CNTNAP2: variants seen among roughly 807,000 people sequenced by gnomAD.
CNTNAP2 encodes the protein contactin associated protein 2.
CNTNAP2 carries 98 observed loss-of-function variants against 155.2 expected under a neutral mutation model. The ratio of observed to expected loss-of-function variants is 0.63; its 90% confidence interval spans 0.54 to 0.75. The LOEUF is 0.75. Among genes scored for constraint, CNTNAP2 ranks in the 30% least tolerant of loss-of-function variants. The pLI is 0.00. For synonymous variants in CNTNAP2, 651 were observed against 631.2 expected (o/e 1.03, Z -0.47); for missense variants, 1,727 against 1,688.1 (o/e 1.02, Z -0.40).
At chr7:147,499,737 G>A (rs950082725) in intron 11 of CNTNAP2, among the ~76,000 whole-genome samples, 2 of 152,104 alleles carry the variant, frequency 1.3e-5, no homozygotes, top group Non-Finnish European at 2.9e-5. Flanking sequence ...ATATGGAGAC[G>A]TTAGGAGAGT....
At chr7:147,325,820 T>C (rs558749414) in intron 9 of CNTNAP2, among the ~76,000 whole-genome samples, 1 of 152,230 alleles carries the variant, frequency 6.6e-6, no homozygotes, top group Non-Finnish European at 1.5e-5. Context: ...TCATCACTAT[T>C]GGTGTCTTCA....
intron 1 of CNTNAP2, among the ~76,000 whole-genome samples, chr7:146,352,754 T>G (rs1326270832): frequency 8.6e-6 from 1 of 116,234 alleles, no homozygotes; most frequent in Non-Finnish European, 1.7e-5. Context: ...AATTCTGTTT[T>G]TTTTTTTTTT....
At chr7:146,710,119 C>G (rs1314531789) in intron 1 of CNTNAP2, among the ~76,000 whole-genome samples, 1 of 152,084 alleles carries the variant, frequency 6.6e-6, no homozygotes, top group Admixed American at 6.6e-5. Context: ...AAGTGTGGCT[C>G]ACAATTGGAA....
chr7:147,355,895 G>C (rs2116887155), intron 9 of CNTNAP2, among the ~76,000 whole-genome samples: 1 of 151,978 alleles, frequency 6.6e-6, no homozygotes, highest in East Asian at 1.9e-4. Flanking sequence ...AAACTATCCT[G>C]AACAATGGAA....
At chr7:148,194,166 C>A (rs1474075441) in intron 18 of CNTNAP2, among the ~76,000 whole-genome samples, 3 of 117,860 alleles carry the variant, frequency 2.5e-5, no homozygotes, top group African/African-American at 8.9e-5. Context: ...TGTGTGTGTA[C>A]ATATTTTTTT....
intron 13 of CNTNAP2, among the ~76,000 whole-genome samples, chr7:147,756,670 T>C (rs1028819583): frequency 2.6e-4 from 40 of 152,234 alleles, no homozygotes; most frequent in African/African-American, 9.6e-4. Context: ...TACAAAGTTC[T>C]TTCAATATTA....
In CNTNAP2 at chr7:146,994,035, G is replaced by A. The variant is rs76795268; in HGVS notation, c.403-49872G>A. Among the ~76,000 whole-genome samples the A allele has an allele frequency of 4.7e-3, 720 of 152,092 alleles. 29 individuals are homozygous for A. In the East Asian group the frequency reaches 0.095, roughly 20 times the overall value. The stretch of plus-strand genomic sequence containing the variant: ...TTGCTAATCAGGAGTTGCATTTTAG[G>A]CAATGCAAAGTGGGTGGGGTACTCA... On this transcript the variant is annotated intron_variant, in intron 3 of 23. Coordinates refer to ENST00000361727, the MANE Select transcript of CNTNAP2 (RefSeq NM_014141.6).
chr7:146,280,266 A>G (rs1443144457), intron 1 of CNTNAP2, among the ~76,000 whole-genome samples: 1 of 152,214 alleles, frequency 6.6e-6, no homozygotes, highest in Non-Finnish European at 1.5e-5. Context: ...TACTTTATGT[A>G]AGTGGAAGTG....
intron 1 of CNTNAP2, among the ~76,000 whole-genome samples, chr7:146,474,436 A>G (rs1202461424): frequency 6.7e-6 from 1 of 150,284 alleles, no homozygotes; most frequent in Non-Finnish European, 1.5e-5. Context: ...ACCATGGTCT[A>G]CCTCCCTCCA....
At chr7:147,085,917 A>G (rs1223451090) in intron 4 of CNTNAP2, 1 of 152,214 alleles carries the variant, frequency 6.6e-6, no homozygotes, top group Non-Finnish European at 1.5e-5. Flanking sequence ...TAGCTAAGAC[A>G]CGCACACGAA....
At chr7:146,462,148 C>T (rs567199705) in intron 1 of CNTNAP2, among the ~76,000 whole-genome samples, 38 of 151,994 alleles carry the variant, frequency 2.5e-4, no homozygotes, top group Admixed American at 7.2e-4. Flanking sequence ...AGTTTGGAGC[C>T]AAAAAGAATA....
chr7:148,118,835 A>T (rs553924063), intron 16 of CNTNAP2, among the ~76,000 whole-genome samples: 2 of 152,238 alleles, frequency 1.3e-5, no homozygotes, highest in Admixed American at 1.3e-4. Context: ...GATGTCATGT[A>T]CTTAGCCAAA....
chr7:146,848,705 G>A (rs1794809527), intron 3 of CNTNAP2, among the ~76,000 whole-genome samples: 1 of 152,134 alleles, frequency 6.6e-6, no homozygotes, highest in African/African-American at 2.4e-5. Flanking sequence ...GGTAGGAATG[G>A]AGAGTGGGAT....
chr7:148,108,739 A>G (rs1357665938), intron 15 of CNTNAP2, among the ~76,000 whole-genome samples: 1 of 152,164 alleles, frequency 6.6e-6, no homozygotes, highest in African/African-American at 2.4e-5. Flanking sequence ...GTTAGGAGGA[A>G]CATGCTTGGT....
intron 1 of CNTNAP2, among the ~76,000 whole-genome samples, chr7:146,766,454 A>T (rs1802195939): frequency 6.6e-6 from 1 of 152,190 alleles, no homozygotes; most frequent in African/African-American, 2.4e-5. Context: ...TTTCAATATT[A>T]TTAGGTCTGT....
chr7:146,494,894 T>C (rs1317640191), intron 1 of CNTNAP2, among the ~76,000 whole-genome samples: 1 of 152,234 alleles, frequency 6.6e-6, no homozygotes, highest in Non-Finnish European at 1.5e-5. Context: ...CATTTAGGAA[T>C]ATGTTCCAAA....
At chr7:146,650,182 A>G (rs1271107204) in intron 1 of CNTNAP2, among the ~76,000 whole-genome samples, 2 of 152,160 alleles carry the variant, frequency 1.3e-5, no homozygotes, top group African/African-American at 4.8e-5. Flanking sequence ...TGACCCAGCA[A>G]TCCCATTACT....
intron 1 of CNTNAP2, among the ~76,000 whole-genome samples, chr7:146,398,250 A>G (rs1305399860): frequency 6.9e-6 from 1 of 145,374 alleles, no homozygotes; most frequent in African/African-American, 2.7e-5. Flanking sequence ...CTAATTTGTA[A>G]AGGAAAGAAG....
intron 15 of CNTNAP2, among the ~76,000 whole-genome samples, chr7:148,032,918 T>C (rs1802505885): frequency 6.6e-6 from 1 of 152,126 alleles, no homozygotes; most frequent in South Asian, 2.1e-4. Flanking sequence ...TATCATATCA[T>C]TTTGTTGTAG....
Sources: gnomAD v4.1 joint callset for allele counts (sites outside exome capture counted in the v4.1 genomes callset) on GRCh38, gnomAD v4.1.1 for gene constraint, MANE v1.5 for transcripts, NCBI Gene and HGNC (gene_info 2026-07-23, HGNC 2026-07-21) for gene names.